The following DIAPH3 variants were observed in gnomAD, a reference collection of about 807,000 sequenced individuals.
The protein encoded by DIAPH3 is diaphanous related formin 3, also known as protein diaphanous homolog 3.
A neutral mutation model predicts 144.3 loss-of-function variants in DIAPH3; 117 were observed. That is an observed-to-expected ratio of 0.81 (90% CI 0.70 to 0.95). The LOEUF (loss-of-function observed/expected upper bound fraction) is 0.95, where lower values mean the gene tolerates loss of function less well. Among genes scored for constraint, DIAPH3 ranks in the 40% least tolerant of loss-of-function variants. The pLI, the probability that DIAPH3 is intolerant of heterozygous loss-of-function variation, is 0.00. For synonymous variants in DIAPH3, 519 were observed against 488.9 expected, an observed-to-expected ratio of 1.06 and a Z score of -0.81; for missense variants, 1,421 against 1,412.7, an observed-to-expected ratio of 1.01 and a Z score of -0.09.
chr13:60,020,349 G>A (rs1410627363), intron 5 of DIAPH3, among the ~76,000 whole-genome samples: 1 of 152,130 alleles, frequency 6.6e-6, no homozygotes, highest in Admixed American at 6.6e-5. Flanking sequence ...TTTCAGAACT[G>A]TTATTTGCCC....
At chr13:59,940,189 G>A (rs1234819759) in intron 17 of DIAPH3, among the ~76,000 whole-genome samples, 1 of 152,052 alleles carries the variant, frequency 6.6e-6, no homozygotes, top group Non-Finnish European at 1.5e-5. Flanking sequence ...TCGTTAATGG[G>A]AATGCAGTGG....
At chr13:59,947,896 A>C (rs542818678) in intron 17 of DIAPH3, among the ~76,000 whole-genome samples, 3 of 152,198 alleles carry the variant, frequency 2.0e-5, no homozygotes, top group Non-Finnish European at 4.4e-5. Context: ...AAGGGAATTT[A>C]GAATCCAGTC....
At chr13:59,853,532 T>C (rs180895059) in intron 22 of DIAPH3, among the ~76,000 whole-genome samples, 1 of 152,226 alleles carries the variant, frequency 6.6e-6, no homozygotes, top group African/African-American at 2.4e-5. Flanking sequence ...TCTCCAGCCA[T>C]GTAAGATGTG....
At chr13:59,940,108 C>T (rs541221539) in intron 17 of DIAPH3, among the ~76,000 whole-genome samples, 19 of 152,254 alleles carry the variant, frequency 1.2e-4, no homozygotes, top group Non-Finnish European at 1.9e-4. Context: ...TTCAGTGTAA[C>T]AACCAAATCT....
intron 1 of DIAPH3, among the ~76,000 whole-genome samples, chr13:60,160,264 AC>A (rs1384193237): frequency 6.6e-6 from 1 of 152,138 alleles, no homozygotes; most frequent in Non-Finnish European, 1.5e-5. Context: ...CAAAACCAAC[AC>A]TGAAGGTACT....
intron 4 of DIAPH3, among the ~76,000 whole-genome samples, chr13:60,072,424 A>C (rs1317411445): frequency 6.6e-6 from 1 of 152,190 alleles, no homozygotes; most frequent in African/African-American, 2.4e-5. Context: ...ATGCCTTTAC[A>C]CACATGCACA....
chr13:59,723,155 T>C (rs1352259745), intron 27 of DIAPH3, among the ~76,000 whole-genome samples: 1 of 152,200 alleles, frequency 6.6e-6, no homozygotes, highest in East Asian at 1.9e-4. Context: ...GACACTGAGA[T>C]ATATTCCAGG....
At chr13:60,073,295 C>A (rs1476873171) in intron 4 of DIAPH3, among the ~76,000 whole-genome samples, 3 of 149,126 alleles carry the variant, frequency 2.0e-5, no homozygotes, top group Non-Finnish European at 4.4e-5. Context: ...GGCAACAGAG[C>A]GGGATGTTGT....
intron 27 of DIAPH3, among the ~76,000 whole-genome samples, chr13:59,747,866 A>G (rs968544096): frequency 8.5e-5 from 13 of 152,270 alleles, no homozygotes; most frequent in South Asian, 2.1e-4. Context: ...TTCCTAGGTA[A>G]TAGTTCTTAT....
intron 25 of DIAPH3, among the ~76,000 whole-genome samples, chr13:59,796,609 T>C (rs2139439691): frequency 6.6e-6 from 1 of 152,356 alleles, no homozygotes; most frequent in East Asian, 1.9e-4. Context: ...CACACATATG[T>C]GCATACAGAT....
At chr13:59,914,225 A>C (rs2140249466) in intron 19 of DIAPH3, among the ~76,000 whole-genome samples, 1 of 152,316 alleles carries the variant, frequency 6.6e-6, no homozygotes, top group South Asian at 2.1e-4. Context: ...AATCATGATT[A>C]TTACAACATA....
chr13:59,924,442 T>C (rs1051628046), intron 18 of DIAPH3, among the ~76,000 whole-genome samples: 2 of 151,966 alleles, frequency 1.3e-5, no homozygotes, highest in Admixed American at 6.6e-5. Context: ...CTACCAATTT[T>C]TTTCAAAATA....
chr13:60,135,147 T>C (rs145310618), intron 1 of DIAPH3, among the ~76,000 whole-genome samples: 25 of 152,032 alleles, frequency 1.6e-4, no homozygotes, highest in African/African-American at 5.8e-4. Context: ...AATTAGACCA[T>C]CTTTTTAAAA....
At chr13:59,896,581 T>C (rs536401439) in intron 20 of DIAPH3, among the ~76,000 whole-genome samples, 1 of 87,582 alleles carries the variant, frequency 1.1e-5, no homozygotes, top group South Asian at 3.8e-4. Flanking sequence ...GTATTTTTGG[T>C]GGGGGAGGCG....
rs200549508 is a variant in DIAPH3 at position 59,992,499 on chromosome 13, G to A, written c.1099C>T (p.Arg367Cys). ...GGCAATATCTCTTTCAATCCACAACGCATAAATTCATTTCTGATGTGAAGC... is the reference window on the plus strand; with the variant it reads ...GGCAATATCTCTTTCAATCCACAACACATAAATTCATTTCTGATGTGAAGC... ...FRLHIRNEFMRCGLKEILPNL... is the reference protein window; with the variant it reads ...FRLHIRNEFMCCGLKEILPNL... Residue 367 changes from arginine (R) to cysteine (C), a missense_variant, in exon 10 of 28, where the codon CGT becomes TGT. Transcript: ENST00000400324. 271 of 1,611,588 alleles carry A rather than the reference G, an allele frequency of 1.7e-4. 2 individuals carry two copies. The highest frequency in any genetic ancestry group is 5.6e-4 in the East Asian group (25 of 44,702).
chr13:60,055,000 T>C (rs1161708388), intron 4 of DIAPH3, among the ~76,000 whole-genome samples: 1 of 151,964 alleles, frequency 6.6e-6, no homozygotes, highest in Non-Finnish European at 1.5e-5. Context: ...AAATAAAGTT[T>C]AGCAAGGGAT....
At chr13:59,789,909 T>C (rs1035223344) in intron 25 of DIAPH3, among the ~76,000 whole-genome samples, 6 of 152,184 alleles carry the variant, frequency 3.9e-5, no homozygotes, top group African/African-American at 1.2e-4. Flanking sequence ...AATGAGAACA[T>C]GAAAATCAGG....
At chr13:60,113,577 T>C (rs1425687283) in intron 2 of DIAPH3, among the ~76,000 whole-genome samples, 1 of 152,150 alleles carries the variant, frequency 6.6e-6, no homozygotes, top group Non-Finnish European at 1.5e-5. Context: ...ATTTAGAAAG[T>C]TGTCATAAAA....
chr13:59,771,691 G>A (rs2038128840), intron 27 of DIAPH3, among the ~76,000 whole-genome samples: 4 of 152,100 alleles, frequency 2.6e-5, no homozygotes, highest in South Asian at 2.1e-4. Flanking sequence ...CTCTGAAGTC[G>A]GATAGGCATG....
Sources: allele counts gnomAD v4.1 joint callset (sites outside exome capture counted in the v4.1 genomes callset), GRCh38; gene constraint gnomAD v4.1.1; transcripts MANE v1.5; gene names NCBI Gene and HGNC (gene_info 2026-07-23, HGNC 2026-07-21).